RPS10: variants seen among roughly 807,000 people sequenced by gnomAD.
RPS10 encodes the protein small ribosomal subunit protein eS10.
A neutral mutation model predicts 22.6 loss-of-function variants in RPS10; 2 were observed. The ratio of observed to expected loss-of-function variants is 0.09; its 90% CI spans 0.04 to 0.28. The LOEUF (loss-of-function observed/expected upper bound fraction) is 0.28, where lower values mean the gene tolerates loss of function less well. Among genes scored for constraint, RPS10 ranks in the 10% least tolerant of loss-of-function variants. The probability of loss-of-function intolerance (pLI) is 1.00; values close to 1 mark genes in which losing one functional copy is unlikely to be tolerated. For missense variants in RPS10, 137 were observed against 222.2 expected (o/e 0.62, Z 2.44); for synonymous variants, 70 against 75.9 (o/e 0.92, Z 0.40).
intron 3 of RPS10, chr6:34,424,162 A>AAAAAAAAAAAAAAAAAC (rs1561939860): frequency 2.0e-5 from 3 of 150,854 alleles, no homozygotes; most frequent in East Asian, 1.9e-4. Context: ...AAAAAAAAAA[A>AAAAAAAAAAAAAAAAAC]AAGCAACTGT....
Position 34,418,281 on chromosome 6 carries a change from C to CTA in RPS10, c.456+86_456+87dup, listed in dbSNP as rs1765644393. On this transcript the variant is annotated intron_variant, in intron 5 of 5. Transcript: ENST00000648437. The stretch of plus-strand genomic sequence containing the variant: ...AACTGGTTGACAGGACCCACCCATA[C>CTA]TATATGACATCCCCACAACTTGCAG... 1.9e-6 allele frequency: 3 copies of CTA among 1,606,596 alleles called. No individual in the cohort carries two copies. In the South Asian group the frequency reaches 3.3e-5, roughly 18 times the overall value.
chr6:34,421,822 C>T lies in RPS10; in HGVS notation c.323-15G>A. The stretch of plus-strand genomic sequence containing the variant: ...ACCCTCCAGACCTATGTAAATCAAA[C>T]CACACTGTGAACACAGGGCAATGTG... On this transcript the variant is annotated splice_polypyrimidine_tract_variant and intron_variant, in intron 3 of 5. Coordinates refer to ENST00000648437, the MANE Select transcript of RPS10 (RefSeq NM_001014.5). The T allele has an allele frequency of 1.2e-6, 2 of 1,613,930 alleles. No individual in the cohort carries two copies. Among genetic ancestry groups the T allele is most frequent in the East Asian group, 4.5e-5 (2 of 44,886 alleles).
chr6:34,421,366 T>C (rs2006833), intron 4 of RPS10, among the ~76,000 whole-genome samples: 101,853 of 151,404 alleles, frequency 0.67, 35,910 homozygotes, highest in Non-Finnish European at 0.8. Flanking sequence ...GTATTTTTAA[T>C]AGAGACAGGG....
chr6:34,423,779 G>A (rs1253189444), intron 3 of RPS10, among the ~76,000 whole-genome samples: 3 of 152,070 alleles, frequency 2.0e-5, no homozygotes, highest in Non-Finnish European at 4.4e-5. Context: ...AGTCTCGGGA[G>A]GCTGAGACAG....
At chr6:34,423,320 C>CG (rs1172512681) in intron 3 of RPS10, among the ~76,000 whole-genome samples, 1 of 152,082 alleles carries the variant, frequency 6.6e-6, no homozygotes, top group South Asian at 2.1e-4. Flanking sequence ...TTTTTGTAGA[C>CG]GGAGTCTCAC....
At chr6:34,420,821 ACG>A (rs1168147481) in intron 4 of RPS10, among the ~76,000 whole-genome samples, 2 of 151,684 alleles carry the variant, frequency 1.3e-5, no homozygotes, top group Non-Finnish European at 2.9e-5. Flanking sequence ...CCTGGCTAAC[ACG>A]GTGAAACCCC....
At chr6:34,419,286 G>C (rs1765682082) in intron 4 of RPS10, among the ~76,000 whole-genome samples, 2 of 151,888 alleles carry the variant, frequency 1.3e-5, no homozygotes, top group African/African-American at 2.4e-5. Context: ...TCGGCCTCCT[G>C]AAGTGTTGGG....
Position 34,421,964 on chromosome 6 carries a change from G to A in RPS10, c.323-157C>T, listed in dbSNP as rs373252891. Reference sequence around the variant, plus strand: ...GGAACTCCTTAAACCTACAATGTCAGCTAGAAATAATTATTTCTCCATAGA... The same window carrying A: ...GGAACTCCTTAAACCTACAATGTCAACTAGAAATAATTATTTCTCCATAGA... On this transcript the variant is annotated intron_variant, in intron 3 of 5. Coordinates refer to ENST00000648437, the MANE Select transcript of RPS10 (RefSeq NM_001014.5). Among the ~76,000 whole-genome samples, 63 of 150,696 alleles carry A rather than the reference G, an allele frequency of 4.2e-4. No individual in the cohort carries two copies. In the East Asian group the frequency reaches 9.4e-3, roughly 22 times the overall value.
chr6:34,421,675 G>A, intron 4 of RPS10, 55 bp downstream of exon 4: 1 of 1,601,554 alleles, frequency 6.2e-7, no homozygotes, highest in Admixed American at 1.7e-5. Context: ...AGCCAGCTGT[G>A]AGAATCCAGA....
intron 3 of RPS10, 116 bp from the exon 4 acceptor site, chr6:34,421,923 T>C: frequency 2.0e-6 from 2 of 1,007,880 alleles, no homozygotes; most frequent in Non-Finnish European, 1.6e-6. Context: ...TTGGTTAAGA[T>C]GGGTTAATGG....
chr6:34,422,472 G>A (rs564050389), intron 3 of RPS10, among the ~76,000 whole-genome samples: 67 of 152,186 alleles, frequency 4.4e-4, no homozygotes, highest in East Asian at 2.7e-3. Context: ...GTGCCACCAC[G>A]CACGGCTACG....
At chr6:34,420,956 T>G (rs1243857997) in intron 4 of RPS10, among the ~76,000 whole-genome samples, 1 of 150,162 alleles carries the variant, frequency 6.7e-6, no homozygotes, top group African/African-American at 2.5e-5. Context: ...TGCAGTGAGC[T>G]AAGATCTTGC....
At chr6:34,423,084 C>T (rs921955495) in intron 3 of RPS10, among the ~76,000 whole-genome samples, 9 of 151,916 alleles carry the variant, frequency 5.9e-5, no homozygotes, top group African/African-American at 1.9e-4. Flanking sequence ...AACAAACAAA[C>T]ACAATCAGTA....
rs187596278 is a variant in RPS10 at position 34,418,072 on chromosome 6, T to C, written c.456+297A>G. 3,745 of 989,398 alleles carry C rather than the reference T, an allele frequency of 3.8e-3. 18 individuals are homozygous for C. Among genetic ancestry groups the C allele is most frequent in the Admixed American group, 8.9e-3 (324 of 36,472 alleles). 61.3% of individuals were successfully genotyped at this position (989,398 alleles called of 1,614,324 possible). A position where few individuals can be genotyped will look rare whatever the true frequency, so the allele number is the denominator to read the frequency against. ...ATGGAGGATTTGATTTCATACCATCTTGGTTCTTAAGCCCACCCACCTTCC... is the reference window on the plus strand; with the variant it reads ...ATGGAGGATTTGATTTCATACCATCCTGGTTCTTAAGCCCACCCACCTTCC... On this transcript the variant is annotated intron_variant, in intron 5 of 5. Transcript: ENST00000648437.
At chr6:34,424,874 G>A in intron 2 of RPS10, 34 bp from the exon 3 acceptor site, 1 of 1,613,530 alleles carries the variant, frequency 6.2e-7, no homozygotes, top group Middle Eastern at 1.6e-4. Context: ...AAGGCGTTAA[G>A]TAGAAGCTTG....
Position 34,424,699 on chromosome 6 carries a change from G to C in RPS10, c.292C>G (p.Arg98Gly). ...EIVPATLRRS[R>G]PETGRPRPKG... ...GGCCGAGGCCTGCCAGTCTCTGGAC[G>C]GCTACGGCGTAGGGTGGCAGGCACA... The change falls in exon 3 of 6, where the codon CGT (arginine) becomes GGT (glycine). Residue 98 changes from arginine to glycine, a missense_variant. Physicochemically the swap from Arg to Gly is moderately radical, Grantham distance 125 (BLOSUM62 -2). Transcript: ENST00000648437. The C allele has an allele frequency of 1.2e-6, 2 of 1,614,154 alleles. No individual in the cohort carries two copies. Among genetic ancestry groups the C allele is most frequent in the Non-Finnish European group, 1.7e-6 (2 of 1,180,032 alleles).
At chr6:34,421,001 GTC>G (rs1412980420) in intron 4 of RPS10, among the ~76,000 whole-genome samples, 2 of 142,008 alleles carry the variant, frequency 1.4e-5, no homozygotes, top group Non-Finnish European at 3.0e-5. Context: ...GAGCGAGACT[GTC>G]TCAAAAATGA....
At chr6:34,424,608 T>C in intron 3 of RPS10, 61 bp downstream of exon 3, 1 of 1,604,348 alleles carries the variant, frequency 6.2e-7, no homozygotes, top group Non-Finnish European at 8.5e-7. Flanking sequence ...AGAATGCTTT[T>C]GTCCCTTACA....
At chr6:34,417,886 T>C (rs1366943210) in intron 5 of RPS10, 1 of 718,008 alleles carries the variant, frequency 1.4e-6, no homozygotes, top group Admixed American at 2.0e-5. Context: ...AGCAATCGTG[T>C]GCTATGAGGA....
Sources: allele counts gnomAD v4.1 joint callset (sites outside exome capture counted in the v4.1 genomes callset), GRCh38; gene constraint gnomAD v4.1.1; transcripts MANE v1.5; gene names NCBI Gene and HGNC (gene_info 2026-07-23, HGNC 2026-07-21).